Variants in SH3GL2 observed in about 807,000 individuals in gnomAD.
The protein encoded by SH3GL2 is SH3 domain containing GRB2 like 2, endophilin A1.
In SH3GL2, 24 loss-of-function variants were observed where a neutral mutation model predicts 46.0. The observed-to-expected ratio is 0.52, with a 90% CI of 0.38 to 0.73. SH3GL2 has a LOEUF of 0.73. SH3GL2 is among the 30% of genes least tolerant of loss of function. The probability of loss-of-function intolerance (pLI) is 0.00; values close to 1 mark genes in which losing one functional copy is unlikely to be tolerated. For synonymous variants in SH3GL2, 196 were observed against 147.1 expected, an observed-to-expected ratio of 1.33 and a Z score of -2.40; for missense variants, 413 against 424.2, an observed-to-expected ratio of 0.97 and a Z score of 0.23.
At chr9:17,747,858 G>A (rs1588297990) in intron 2 of SH3GL2, among the ~76,000 whole-genome samples, 1 of 151,944 alleles carries the variant, frequency 6.6e-6, no homozygotes, top group Admixed American at 6.6e-5. Context: ...ATTTTTTGTA[G>A]AGATGGGGTT....
intron 2 of SH3GL2, 69 bp from the exon 3 acceptor site, chr9:17,761,368 C>T: frequency 1.0e-6 from 1 of 992,622 alleles, no homozygotes; most frequent in Non-Finnish European, 1.6e-6. Flanking sequence ...TGTATACAGA[C>T]TCAACCAAAA....
intron 2 of SH3GL2, among the ~76,000 whole-genome samples, chr9:17,751,798 T>C (rs1822855575): frequency 6.6e-6 from 1 of 152,098 alleles, no homozygotes; most frequent in Non-Finnish European, 1.5e-5. Flanking sequence ...ACCCATAATG[T>C]CTCCTTCATG....
chr9:17,738,460 A>T (rs1442384215), intron 1 of SH3GL2, among the ~76,000 whole-genome samples: 1 of 146,626 alleles, frequency 6.8e-6, no homozygotes, highest in Non-Finnish European at 1.5e-5. Flanking sequence ...AGACATGGAT[A>T]TACATACATA....
intron 1 of SH3GL2, among the ~76,000 whole-genome samples, chr9:17,703,393 A>T (rs1000911118): frequency 1.4e-4 from 22 of 152,092 alleles, no homozygotes; most frequent in African/African-American, 5.3e-4. Flanking sequence ...TTAGAATAAC[A>T]TGGCAGTTTC....
intron 2 of SH3GL2, among the ~76,000 whole-genome samples, chr9:17,748,185 C>T (rs1312247852): frequency 6.6e-6 from 1 of 152,216 alleles, no homozygotes; most frequent in East Asian, 1.9e-4. Context: ...TACTTTAACG[C>T]TCTTCAGAAC....
At chr9:17,628,414 GT>G (rs1563788929) in intron 1 of SH3GL2, among the ~76,000 whole-genome samples, 42 of 35,098 alleles carry the variant, frequency 1.2e-3, no homozygotes, top group South Asian at 1.6e-3. Flanking sequence ...TATCTTGGGT[GT>G]GTGTGTGTGT....
chr9:17,592,123 C>T (rs967371139), intron 1 of SH3GL2, among the ~76,000 whole-genome samples: 6 of 152,118 alleles, frequency 3.9e-5, no homozygotes, highest in African/African-American at 1.2e-4. Flanking sequence ...AGGCCTGAGG[C>T]CCCGGGGAGC....
chr9:17,757,429 C>G lies in SH3GL2; in HGVS notation c.115-4008C>G, dbSNP rs559620659. Among the ~76,000 whole-genome samples the G allele has an allele frequency of 3.3e-5, 5 of 152,220 alleles. 1 individual carries two copies. In the South Asian group the frequency reaches 8.3e-4, roughly 25 times the overall value. Reference sequence around the variant, plus strand: ...TATTCATCTGACAAAGAGCTAATATCCAGAATCTACAAAGAACTCAAACAA... The same window carrying G: ...TATTCATCTGACAAAGAGCTAATATGCAGAATCTACAAAGAACTCAAACAA... On this transcript the variant is annotated intron_variant, in intron 2 of 8. Transcript: ENST00000380607.
intron 1 of SH3GL2, among the ~76,000 whole-genome samples, chr9:17,664,127 C>T (rs1820288681): frequency 1.3e-5 from 2 of 152,138 alleles, no homozygotes; most frequent in African/African-American, 4.8e-5. Context: ...TTCAGTACGC[C>T]TAAGTGAAGT....
At chr9:17,762,061 G>A (rs1449080279) in intron 3 of SH3GL2, among the ~76,000 whole-genome samples, 5 of 152,106 alleles carry the variant, frequency 3.3e-5, no homozygotes, top group Admixed American at 6.6e-5. Flanking sequence ...TAGAGATAAC[G>A]GAGCTATATG....
chr9:17,724,970 T>TC (rs779134984), intron 1 of SH3GL2, among the ~76,000 whole-genome samples: 1 of 152,144 alleles, frequency 6.6e-6, no homozygotes, highest in Non-Finnish European at 1.5e-5. Context: ...TGTCCTGAGT[T>TC]CCACAAGGCT....
intron 1 of SH3GL2, among the ~76,000 whole-genome samples, chr9:17,699,717 C>A (rs1821299030): frequency 6.6e-6 from 1 of 152,198 alleles, no homozygotes; most frequent in African/African-American, 2.4e-5. Context: ...TGAACAAGGG[C>A]AGCTCTATTA....
chr9:17,695,132 C>T (rs1821171219), intron 1 of SH3GL2, among the ~76,000 whole-genome samples: 1 of 152,262 alleles, frequency 6.6e-6, no homozygotes, highest in East Asian at 1.9e-4. Flanking sequence ...AATGTCATCC[C>T]ATTCTGTCCC....
chr9:17,674,313 C>A (rs868197008), intron 1 of SH3GL2, among the ~76,000 whole-genome samples: 2 of 152,162 alleles, frequency 1.3e-5, no homozygotes, highest in African/African-American at 2.4e-5. Context: ...GTTGCCCAGG[C>A]TGGAGTGCAG....
chr9:17,791,111 C>A, intron 6 of SH3GL2, 120 bp from the exon 7 acceptor site: 1 of 696,006 alleles, frequency 1.4e-6, no homozygotes, highest in African/African-American at 1.7e-5. Flanking sequence ...ACACAGTCAT[C>A]AGCACCACCA....
In SH3GL2 at chr9:17,601,588, C is replaced by T. The variant is rs534222577; in HGVS notation, c.45+22301C>T. 1.6e-4 allele frequency among the ~76,000 whole-genome samples: 24 copies of T among 152,258 alleles called. 1 individual carries two copies. In the South Asian group the frequency reaches 5.0e-3, roughly 32 times the overall value. ...AGTCATAAAAATCAAATCATCTTCCCATGTAAGCTTCAGAAAAGGTGAAGT... is the reference window on the plus strand; with the variant it reads ...AGTCATAAAAATCAAATCATCTTCCTATGTAAGCTTCAGAAAAGGTGAAGT... On this transcript the variant is annotated intron_variant, in intron 1 of 8. Transcript: ENST00000380607.
chr9:17,602,758 C>T (rs1270919936), intron 1 of SH3GL2, among the ~76,000 whole-genome samples: 1 of 148,520 alleles, frequency 6.7e-6, no homozygotes, highest in Non-Finnish European at 1.5e-5. Context: ...AAAATGAAAA[C>T]ATTTCTTGTA....
At chr9:17,654,777 G>C (rs531951552) in intron 1 of SH3GL2, among the ~76,000 whole-genome samples, 3 of 152,178 alleles carry the variant, frequency 2.0e-5, no homozygotes, top group Non-Finnish European at 4.4e-5. Context: ...CGTGACAGAA[G>C]TGTAATACCC....
intron 1 of SH3GL2, among the ~76,000 whole-genome samples, chr9:17,691,306 T>C (rs1188028881): frequency 6.6e-6 from 1 of 152,210 alleles, no homozygotes; most frequent in Admixed American, 6.6e-5. Context: ...ATTCTACTTT[T>C]ATTTTATCTA....
Sources: gnomAD v4.1 joint callset for allele counts (sites outside exome capture counted in the v4.1 genomes callset) on GRCh38, gnomAD v4.1.1 for gene constraint, MANE v1.5 for transcripts, NCBI Gene and HGNC (gene_info 2026-07-23, HGNC 2026-07-21) for gene names.